The following ZNF493 variants were observed in gnomAD, a reference collection of about 807,000 sequenced individuals.
ZNF493 encodes the protein zinc finger protein 493.
A neutral mutation model predicts 12.2 loss-of-function variants in ZNF493; 11 were observed. The observed-to-expected ratio is 0.90, with a 90% CI of 0.57 to 1.50. The LOEUF (loss-of-function observed/expected upper bound fraction) is 1.50, where lower values mean the gene tolerates loss of function less well. Among genes scored for constraint, ZNF493 ranks in the 40% most tolerant of loss-of-function variants. ZNF493 has a pLI of 0.00. For synonymous variants in ZNF493, 286 were observed against 302.6 expected (o/e 0.95, Z 0.57); for missense variants, 950 against 906.6 (o/e 1.05, Z -0.61).
rs1176664600 is a variant in ZNF493 at position 21,424,279 on chromosome 19, T to C, written c.1620T>C (p.Thr540=). 1 of 1,612,798 alleles carries C rather than the reference T, an allele frequency of 6.2e-7. No homozygotes were observed. The highest frequency in any genetic ancestry group is 8.5e-7 in the Non-Finnish European group (1 of 1,179,616). Residue 540 remains threonine (T), a synonymous_variant, in exon 4 of 4, where the codon ACT becomes ACC. Coordinates refer to ENST00000392288, the MANE Select transcript of ZNF493 (RefSeq NM_001076678.3). ...TTACTATACATAAAATGATTCACAC[T>C]GGAGAAAAACCCTACAAATGTGAAG... ...STLTIHKMIH[T]GEKPYKCEEC... is the part of the protein sequence containing the mutation.
rs1462941077 is a variant in ZNF493, at chr19:21,414,342, A to G, written c.253+8486A>G. On this transcript the variant is annotated intron_variant, in intron 3 of 3. Transcript: ENST00000392288. Reference sequence around the variant, plus strand: ...CATTTGGCAAGTTGGGCATTGCTGGATAATAGCTTTAGCTTCTTTCCAGGT... The same window carrying G: ...CATTTGGCAAGTTGGGCATTGCTGGGTAATAGCTTTAGCTTCTTTCCAGGT... 2.0e-5 allele frequency: 3 copies of G among 152,262 alleles called. No individual in the cohort carries two copies. In the East Asian group the frequency reaches 5.8e-4, roughly 29 times the overall value. 9.4% of individuals were successfully genotyped at this position (152,262 alleles called of 1,614,324 possible).
At chr19:21,407,780 T>C (rs2030182164) in intron 3 of ZNF493, 1 of 985,070 alleles carries the variant, frequency 1.0e-6, no homozygotes, top group South Asian at 4.7e-5. Context: ...TTTTTACTTA[T>C]TTGTCTTCAG....
intron 1 of ZNF493, among the ~76,000 whole-genome samples, chr19:21,402,521 A>G (rs2029982692): frequency 1.3e-5 from 2 of 152,142 alleles, no homozygotes; most frequent in African/African-American, 4.8e-5. Flanking sequence ...TGCTTGCTGT[A>G]ACACCCAAGA....
In ZNF493 at chr19:21,423,240, T is replaced by C. The variant is rs747925070; in HGVS notation, c.581T>C (p.Leu194Pro). 1.4e-5 allele frequency: 22 copies of C among 1,613,722 alleles called. No homozygotes were observed. Residue 194 changes from leucine (L) to proline (P), a missense_variant, in exon 4 of 4, where the codon CTT (leucine) becomes CCT (proline). By Grantham distance (98) the Leu-to-Pro change is moderately conservative. Transcript: ENST00000392288. ...AAATGTGGCAAATCATTTTGCATGCTTTTACACCTATGTCAGCATAAAAGA... is the reference window on the plus strand; with the variant it reads ...AAATGTGGCAAATCATTTTGCATGCCTTTACACCTATGTCAGCATAAAAGA... ...CKKCGKSFCM[L>P]LHLCQHKRIH...
At chr19:21,422,423 C>A (rs1314207835) in intron 3 of ZNF493, among the ~76,000 whole-genome samples, 10 of 129,502 alleles carry the variant, frequency 7.7e-5, no homozygotes, top group South Asian at 7.2e-4. Flanking sequence ...CAAGTTACTT[C>A]TTTATTTATT....
In ZNF493 at chr19:21,423,691, T is replaced by G; in HGVS notation, c.1032T>G (p.Thr344=). 6.2e-7 allele frequency: 1 copy of G among 1,613,718 alleles called. No homozygotes were observed. The highest frequency in any genetic ancestry group is 8.5e-7 in the Non-Finnish European group (1 of 1,179,830). ...STPTKHKIIH[T]EEKSHRCEEY... is the part of the protein sequence containing the mutation. ...CTACTAAACATAAGATAATTCACAC[T>G]GAAGAGAAATCCCACAGATGTGAAG... is the stretch of plus-strand genomic sequence containing the variant. The change falls in exon 4 of 4, where the codon ACT becomes ACG. Residue 344 remains threonine, a synonymous_variant. Coordinates refer to ENST00000392288, the MANE Select transcript of ZNF493 (RefSeq NM_001076678.3).
intron 3 of ZNF493, among the ~76,000 whole-genome samples, chr19:21,420,655 T>TTTTTTTTTTTC (rs766934918): frequency 1.1e-4 from 5 of 46,514 alleles, no homozygotes; most frequent in Non-Finnish European, 1.5e-4. Context: ...TTTTTTTTTT[T>TTTTTTTTTTTC]CAGAACTTTG....
In ZNF493 at chr19:21,417,865, G is replaced by A. The variant is rs953295806; in HGVS notation, c.254-5048G>A. Among the ~76,000 whole-genome samples the A allele has an allele frequency of 3.7e-4, 57 of 152,194 alleles. 1 individual carries two copies. Among genetic ancestry groups the A allele is most frequent in the African/African-American group, 1.2e-3 (48 of 41,438 alleles). On this transcript the variant is annotated intron_variant, in intron 3 of 3. Coordinates refer to ENST00000392288, the MANE Select transcript of ZNF493 (RefSeq NM_001076678.3). ...GCATCCCAGTTAGTAGGAATCATCA[G>A]ACTGGAAACGGCAACATTCTTTAAG... is the stretch of plus-strand genomic sequence containing the variant.
At chr19:21,408,432 T>G (rs1599733030) in intron 3 of ZNF493, 1 of 984,666 alleles carries the variant, frequency 1.0e-6, no homozygotes, top group African/African-American at 1.7e-5. Flanking sequence ...CCCGGCCACT[T>G]GTTTCTTTTA....
intron 3 of ZNF493, among the ~76,000 whole-genome samples, chr19:21,407,190 A>G (rs926513248): frequency 6.6e-6 from 1 of 152,144 alleles, no homozygotes; most frequent in Admixed American, 6.5e-5. Flanking sequence ...TCTACTGAAA[A>G]TACAAATAAT....
intron 1 of ZNF493, among the ~76,000 whole-genome samples, chr19:21,402,539 G>A (rs1021984441): frequency 1.3e-5 from 2 of 152,166 alleles, no homozygotes; most frequent in Non-Finnish European, 2.9e-5. Context: ...AGAATGCAGA[G>A]TCAGGCTAAC....
chr19:21,402,411 A>C (rs2029978944), intron 1 of ZNF493, among the ~76,000 whole-genome samples: 1 of 152,172 alleles, frequency 6.6e-6, no homozygotes, highest in African/African-American at 2.4e-5. Flanking sequence ...GAACTCTCTA[A>C]TTATATTCAT....
At position 21,425,883 on chromosome 19, in the gene ZNF493, C is replaced by G; in HGVS notation, c.*899C>G. The G allele has an allele frequency of 1.7e-6, 1 of 594,348 alleles. No individual in the cohort carries two copies. Among genetic ancestry groups the G allele is most frequent in the South Asian group, 1.4e-5 (1 of 71,726 alleles). 36.8% of individuals were successfully genotyped at this position (594,348 alleles called of 1,614,324 possible). ...GTGAAGAATGTGGCAAAGCTTTTAA[C>G]CAGTCCTCAAACTTTATTGAACAAA... On this transcript the variant is annotated 3_prime_UTR_variant, in exon 4 of 4. Transcript: ENST00000392288.
chr19:21,410,030 T>G (rs1431277468), intron 3 of ZNF493, among the ~76,000 whole-genome samples: 1 of 145,724 alleles, frequency 6.9e-6, no homozygotes, highest in Non-Finnish European at 1.5e-5. Flanking sequence ...AATATTTTCT[T>G]CTTTAAGACT....
chr19:21,417,287 G>C (rs537680475), intron 3 of ZNF493, among the ~76,000 whole-genome samples: 1 of 152,014 alleles, frequency 6.6e-6, no homozygotes, highest in Non-Finnish European at 1.5e-5. Flanking sequence ...CAAGCTCCAG[G>C]AAATGGAGTA....
At chr19:21,406,268 A>G (rs1402006311) in intron 3 of ZNF493, among the ~76,000 whole-genome samples, 1 of 152,112 alleles carries the variant, frequency 6.6e-6, no homozygotes, top group Non-Finnish European at 1.5e-5. Flanking sequence ...ATATAATACC[A>G]TCACCAAATC....
At chr19:21,406,495 A>T (rs2030133450) in intron 3 of ZNF493, among the ~76,000 whole-genome samples, 1 of 152,184 alleles carries the variant, frequency 6.6e-6, no homozygotes, top group South Asian at 2.1e-4. Flanking sequence ...GAGACTGCAC[A>T]ATCTGACTGC....
chr19:21,409,037 A>G (rs1485420399), intron 3 of ZNF493, among the ~76,000 whole-genome samples: 1 of 151,766 alleles, frequency 6.6e-6, no homozygotes. Flanking sequence ...GGCGCCTGCA[A>G]CCACGCCTGG....
Position 21,423,293 on chromosome 19 carries a change from T to G in ZNF493, c.634T>G (p.Cys212Gly), listed in dbSNP as rs750881404. Reference sequence around the variant, plus strand: ...TCATATTAGAGAGAATTCTTACCGATGTGAAGAATGTGGCAAAGCCTTTAT... The same window carrying G: ...TCATATTAGAGAGAATTCTTACCGAGGTGAAGAATGTGGCAAAGCCTTTAT... ...RIHIRENSYR[C>G]EECGKAFIWF... The change falls in exon 4 of 4, where the codon TGT becomes GGT. Residue 212 changes from cysteine to glycine, a missense_variant. Transcript: ENST00000392288. 1.2e-6 allele frequency: 2 copies of G among 1,613,882 alleles called. No homozygotes were observed. Among genetic ancestry groups the G allele is most frequent in the South Asian group, 1.1e-5 (1 of 91,056 alleles).
Sources: gnomAD v4.1 joint callset for allele counts (sites outside exome capture counted in the v4.1 genomes callset) on GRCh38, gnomAD v4.1.1 for gene constraint, MANE v1.5 for transcripts, NCBI Gene and HGNC (gene_info 2026-07-23, HGNC 2026-07-21) for gene names.